Variants in SHANK1 observed in about 807,000 individuals in gnomAD.
SHANK1 encodes the protein SH3 and multiple ankyrin repeat domains 1.
In SHANK1, 35 loss-of-function variants were observed where a neutral mutation model predicts 165.6. The ratio of observed to expected loss-of-function variants is 0.21; its 90% CI spans 0.16 to 0.28. The LOEUF (loss-of-function observed/expected upper bound fraction) is 0.28. Ranked by LOEUF, SHANK1 falls within the 10% of genes least tolerant of loss-of-function variation. The pLI, the probability that SHANK1 is intolerant of heterozygous loss-of-function variation, is 1.00. For synonymous variants in SHANK1, 1,428 were observed against 1,384.8 expected (o/e 1.03, Z -0.69); for missense variants, 2,681 against 3,036.4 (o/e 0.88, Z 2.75).
chr19:50,706,376 C>T (rs1027092114), intron 8 of SHANK1, among the ~76,000 whole-genome samples: 6 of 152,116 alleles, frequency 3.9e-5, no homozygotes, highest in African/African-American at 1.2e-4. Context: ...AATTTCTCAC[C>T]GGTGTCAATC....
chr19:50,661,744 CA>C lies in SHANK1; in HGVS notation c.*220del. 5.2e-6 allele frequency: 3 copies of C among 574,920 alleles called. No homozygotes were observed. Among genetic ancestry groups the C allele is most frequent in the Non-Finnish European group, 9.3e-6 (3 of 322,766 alleles). The allele number at this position is 574,920 out of a possible 1,614,324, so 35.6% of individuals were successfully genotyped here. A position where few individuals can be genotyped will look rare whatever the true frequency, so the allele number is the denominator to read the frequency against. ...TCCCCCCTCCGCTCCCCGCTTCACA[CA>C]CACACACACACTCTTGTGTCAGCTG... On this transcript the variant is annotated 3_prime_UTR_variant, in exon 24 of 24. Coordinates refer to ENST00000293441, the MANE Select transcript of SHANK1 (RefSeq NM_016148.5).
chr19:50,677,010 T>A (rs906442891), intron 21 of SHANK1, among the ~76,000 whole-genome samples: 1 of 152,144 alleles, frequency 6.6e-6, no homozygotes, highest in African/African-American at 2.4e-5. Context: ...AATTTTGGAC[T>A]ATGAGGCCAG....
rs1455988418 is a variant in SHANK1, at chr19:50,717,497, G to A, written c.-43-535C>T. On this transcript the variant is annotated intron_variant, in intron 1 of 23. Coordinates refer to ENST00000293441, the MANE Select transcript of SHANK1 (RefSeq NM_016148.5). The surrounding 1 kb of genome is among the most constrained non-coding windows in gnomAD (Gnocchi z 5.5). ...GGTGAGCCTGGAGCGGGTGGAGCTG[G>A]TGACTTCACTCAAGTGTGGCTGACA... Among the ~76,000 whole-genome samples, 2 of 152,140 alleles carry A rather than the reference G, an allele frequency of 1.3e-5. No individual in the cohort carries two copies. The highest frequency in any genetic ancestry group is 6.5e-5 in the Admixed American group (1 of 15,278).
chr19:50,687,535 TC>T (rs779163513), intron 19 of SHANK1, 46 bp downstream of exon 19: 2 of 1,459,980 alleles, frequency 1.4e-6, no homozygotes, highest in Non-Finnish European at 1.9e-6. Context: ...CAGCCCTCCT[TC>T]CCCTCTCCCC....
At chr19:50,714,026 G>A in intron 5 of SHANK1, 77 bp from the exon 6 acceptor site, 1 of 1,578,158 alleles carries the variant, frequency 6.3e-7, no homozygotes. Context: ...AGGCTCTGCA[G>A]CTCTCCACCC....
At chr19:50,664,435 T>TCTTCTTCCTTGTTCGAGGC (rs1985400443) in intron 23 of SHANK1, among the ~76,000 whole-genome samples, 1 of 152,194 alleles carries the variant, frequency 6.6e-6, no homozygotes, top group South Asian at 2.1e-4. Flanking sequence ...GTTGCTGGGC[T>TCTTCTTCCTTGTTCGAGGC]CTTGTTCGAG....
Position 50,668,834 on chromosome 19 carries a change from C to A in SHANK1, c.3126G>T (p.Gly1042=). The A allele has an allele frequency of 2.4e-6, 3 of 1,276,536 alleles. No individual in the cohort carries two copies. The highest frequency in any genetic ancestry group is 3.1e-5 in the South Asian group (1 of 32,724). The allele number at this position is 1,276,536 out of a possible 1,614,324, so 79.1% of individuals were successfully genotyped here. A position where few individuals can be genotyped will look rare whatever the true frequency, so the allele number is the denominator to read the frequency against. ...PDDPPPRLAL[G]PQPSLRGWRG... ...TCCAGCCTCGCAGGCTGGGCTGGGG[C>A]CCCAGAGCCAGGCGGGGTGGAGGGT... The change falls in exon 23 of 24, where the codon GGG becomes GGT. Residue 1042 remains glycine, a synonymous_variant. Coordinates refer to ENST00000293441, the MANE Select transcript of SHANK1 (RefSeq NM_016148.5).
At chr19:50,669,951 C>G (rs529997690) in intron 22 of SHANK1, among the ~76,000 whole-genome samples, 1 of 152,134 alleles carries the variant, frequency 6.6e-6, no homozygotes, top group African/African-American at 2.4e-5. Flanking sequence ...TGCCAAGGCT[C>G]GGTCTTTGAA....
chr19:50,666,602 G>T lies in SHANK1; in HGVS notation c.5358C>A (p.Thr1786=). 3 of 1,600,246 alleles carry T rather than the reference G, an allele frequency of 1.9e-6. No homozygotes were observed. Among genetic ancestry groups the T allele is most frequent in the Non-Finnish European group, 2.6e-6 (3 of 1,175,584 alleles). ...LRDPVTPTSP[T]VSVTGAGTDG... ...CGGTTCCAGCCCCTGTCACCGAGAC[G>T]GTGGGGCTGGTGGGGGTAACAGGGT... The change falls in exon 23 of 24, where the codon ACC becomes ACA. Residue 1786 remains threonine (T), a synonymous_variant. Transcript: ENST00000293441.
Position 50,660,157 on chromosome 19 carries a change from C to T in SHANK1, c.*1808G>A, listed in dbSNP as rs936529499. ...GAGGGCAACGCCCTCCCCCCTTTAC[C>T]CACAGCAGGGGAGGGGGCTTTTCAG... is the stretch of plus-strand genomic sequence containing the variant. On this transcript the variant is annotated 3_prime_UTR_variant, in exon 24 of 24. Transcript: ENST00000293441. 4.6e-5 allele frequency among the ~76,000 whole-genome samples: 7 copies of T among 151,706 alleles called. No homozygotes were observed. The highest frequency in any genetic ancestry group is 1.0e-4 in the Non-Finnish European group (7 of 67,812).
At chr19:50,675,037 G>A (rs1464342670) in intron 21 of SHANK1, among the ~76,000 whole-genome samples, 1 of 145,906 alleles carries the variant, frequency 6.9e-6, no homozygotes, top group Non-Finnish European at 1.5e-5. Flanking sequence ...ACTCCAGCCT[G>A]GGTGATAGAG....
At chr19:50,712,247 G>T in intron 6 of SHANK1, 133 bp from the exon 7 acceptor site, 1 of 899,058 alleles carries the variant, frequency 1.1e-6, no homozygotes, top group Non-Finnish European at 1.7e-6. Context: ...CAGTTCTGCC[G>T]TGATGCCCTT....
chr19:50,688,888 C>T lies in SHANK1; in HGVS notation c.2128G>A (p.Val710Met), dbSNP rs1208884544. The T allele has an allele frequency of 3.8e-6, 6 of 1,590,668 alleles. No individual in the cohort carries two copies. Among genetic ancestry groups the T allele is most frequent in the African/African-American group, 2.7e-5 (2 of 74,358 alleles). The change falls in exon 17 of 24, where the codon GTG (valine) becomes ATG (methionine). Residue 710 changes from valine to methionine, a missense_variant. By Grantham distance (21) the Val-to-Met change is conservative. Coordinates refer to ENST00000293441, the MANE Select transcript of SHANK1 (RefSeq NM_016148.5). This position sits in a 1 kb window ranked among gnomAD's most constrained non-coding sequence, Gnocchi z 6.7. ...ATTCGCAGTCCAGCTCGCCATGCCA[C>T]GCCACCCTCGTCCACCGACTCCAGG... ...QYLESVDEGGVAWRAGLRMGD... is the reference protein window; with the variant it reads ...QYLESVDEGGMAWRAGLRMGD...
In SHANK1 at chr19:50,697,806, T is replaced by C. The variant is rs774822776; in HGVS notation, c.1861+37A>G. The C allele has an allele frequency of 6.4e-7, 1 of 1,568,154 alleles. No homozygotes were observed. The highest frequency in any genetic ancestry group is 8.8e-7 in the Non-Finnish European group (1 of 1,139,526). On this transcript the variant is annotated intron_variant, in intron 13 of 23. Transcript: ENST00000293441. The surrounding 1 kb of genome is among the most constrained non-coding windows in gnomAD (Gnocchi z 4.7). Reference sequence around the variant, plus strand: ...GGGAAAGGAGTGGACGTGGGAATCCTAGGGTCCATTGAACACTGCTGGGGG... The same window carrying C: ...GGGAAAGGAGTGGACGTGGGAATCCCAGGGTCCATTGAACACTGCTGGGGG...
chr19:50,706,226 C>T (rs1163332247), intron 8 of SHANK1, among the ~76,000 whole-genome samples: 2 of 152,140 alleles, frequency 1.3e-5, no homozygotes, highest in African/African-American at 4.8e-5. Context: ...GGATTCGAAC[C>T]CAGATCTCTC....
At position 50,686,438 on chromosome 19, in the gene SHANK1, G is replaced by T; in HGVS notation, c.2459-83C>A. The T allele has an allele frequency of 9.9e-7, 1 of 1,008,790 alleles. No homozygotes were observed. Among genetic ancestry groups the T allele is most frequent in the Non-Finnish European group, 1.5e-6 (1 of 671,952 alleles). 62.5% of individuals were successfully genotyped at this position (1,008,790 alleles called of 1,614,324 possible). A position where few individuals can be genotyped will look rare whatever the true frequency, so the allele number is the denominator to read the frequency against. On this transcript the variant is annotated intron_variant, in intron 20 of 23. Transcript: ENST00000293441. The surrounding 1 kb of genome is among the most constrained non-coding windows in gnomAD (Gnocchi z 5.7). ...CCGGGCCGCAAAGACCAGAGCTGCC[G>T]CCCGCAGTTCATCCAGCACCTGGAT...
In SHANK1 at chr19:50,668,297, G is replaced by T; in HGVS notation, c.3663C>A (p.Ser1221Arg). The T allele has an allele frequency of 1.5e-6, 2 of 1,297,660 alleles. No homozygotes were observed. Among genetic ancestry groups the T allele is most frequent in the Non-Finnish European group, 1.9e-6 (2 of 1,028,202 alleles). The allele number at this position is 1,297,660 out of a possible 1,614,324, so 80.4% of individuals were successfully genotyped here. The change falls in exon 23 of 24, where the codon AGC becomes AGA. Residue 1221 changes from serine to arginine, a missense_variant. Coordinates refer to ENST00000293441, the MANE Select transcript of SHANK1 (RefSeq NM_016148.5). ...PSPVPTPASP[S>R]GPATLDFTSQ... ...TCGTGAAGTCCAGCGTGGCCGGGCCGCTGGGCGAGGCGGGGGTGGGCACGG... is the reference window on the plus strand; with the variant it reads ...TCGTGAAGTCCAGCGTGGCCGGGCCTCTGGGCGAGGCGGGGGTGGGCACGG...
chr19:50,671,663 G>T (rs955546825), intron 22 of SHANK1, among the ~76,000 whole-genome samples: 14 of 152,086 alleles, frequency 9.2e-5, no homozygotes, highest in Non-Finnish European at 1.8e-4. Flanking sequence ...TTCCTGGCAT[G>T]TGGGGAGCGC....
At chr19:50,672,216 C>G in intron 21 of SHANK1, 102 bp from the exon 22 acceptor site, 2 of 922,368 alleles carry the variant, frequency 2.2e-6, no homozygotes, top group South Asian at 3.0e-5. Context: ...CCCATTCCTT[C>G]CCTAAGCCCC....
Sources: allele counts gnomAD v4.1 joint callset (sites outside exome capture counted in the v4.1 genomes callset), GRCh38; gene constraint gnomAD v4.1.1; non-coding constraint Gnocchi (gnomAD v3.1); transcripts MANE v1.5; gene names NCBI Gene and HGNC (gene_info 2026-07-23, HGNC 2026-07-21).